The following FAS variants were observed in gnomAD, a reference collection of about 807,000 sequenced individuals.
FAS encodes Fas cell surface death receptor.
Under a neutral mutation model 33.2 loss-of-function variants are expected in FAS, and 5 were observed. The ratio of observed to expected loss-of-function variants is 0.15; its 90% CI spans 0.08 to 0.32. The LOEUF (loss-of-function observed/expected upper bound fraction) is 0.32, where lower values mean the gene tolerates loss of function less well. Among genes scored for constraint, FAS ranks in the 10% least tolerant of loss-of-function variants. The probability of loss-of-function intolerance (pLI) is 1.00; values close to 1 mark genes in which losing one functional copy is unlikely to be tolerated. For synonymous variants in FAS, 131 were observed against 130.7 expected (o/e 1.00, Z -0.01); for missense variants, 339 against 386.0 (o/e 0.88, Z 1.02).
Position 89,015,904 on chromosome 10 carries a change from T to G in FAS, c.*1454T>G, listed in dbSNP as rs906695824. 3.1e-6 allele frequency: 1 copy of G among 323,128 alleles called. No homozygotes were observed. Among genetic ancestry groups the G allele is most frequent in the African/African-American group, 2.1e-5 (1 of 47,548 alleles). 20.0% of individuals were successfully genotyped at this position (323,128 alleles called of 1,614,324 possible). On this transcript the variant is annotated 3_prime_UTR_variant, in exon 9 of 9. Coordinates refer to ENST00000652046, the MANE Select transcript of FAS (RefSeq NM_000043.6). ...CTTGGATCCCTTAGAAGGTACTTCC[T>G]TTTTAACCTTAACCCTTTTAGTAGT...
chr10:88,998,253 C>T (rs1847714180), intron 1 of FAS, among the ~76,000 whole-genome samples: 1 of 150,692 alleles, frequency 6.6e-6, no homozygotes, highest in South Asian at 2.1e-4. Flanking sequence ...TTATCTTCCT[C>T]TGTTTGTATG....
Position 89,010,835 on chromosome 10 carries a change from A to G in FAS, c.568+20A>G, listed in dbSNP as rs1484174676. 3.7e-6 allele frequency: 6 copies of G among 1,613,622 alleles called. No individual in the cohort carries two copies. The highest frequency in any genetic ancestry group is 5.1e-6 in the Non-Finnish European group (6 of 1,179,780). The stretch of plus-strand genomic sequence containing the variant: ...TTTGGGGTAAGTTCTTGCTTTGTTC[A>G]AACTGCAGATTGAAATAACTTGGGA... On this transcript the variant is annotated intron_variant, in intron 6 of 8. Coordinates refer to ENST00000652046, the MANE Select transcript of FAS (RefSeq NM_000043.6).
At chr10:89,000,630 C>T (rs567841630) in intron 1 of FAS, among the ~76,000 whole-genome samples, 1 of 152,076 alleles carries the variant, frequency 6.6e-6, no homozygotes, top group East Asian at 1.9e-4. Context: ...AATCCCTAAC[C>T]TTCTACTGTT....
intron 1 of FAS, among the ~76,000 whole-genome samples, chr10:88,997,062 G>T (rs956602285): frequency 7.2e-5 from 11 of 152,216 alleles, no homozygotes; most frequent in African/African-American, 2.7e-4. Context: ...TGATTTGCAA[G>T]TGCTGAACAC....
intron 1 of FAS, among the ~76,000 whole-genome samples, chr10:88,970,452 G>C (rs113631043): frequency 0.012 from 1,840 of 152,192 alleles, 44 homozygotes; most frequent in African/African-American, 0.042. Flanking sequence ...TGTTGAGGAG[G>C]GCGTTCAGTT....
chr10:89,014,066 A>G, intron 8 of FAS, 53 bp from the exon 9 acceptor site: 1 of 1,550,670 alleles, frequency 6.4e-7, no homozygotes, highest in African/African-American at 1.4e-5. Flanking sequence ...GGTTTTCACT[A>G]ATGGGAATTT....
At position 89,007,642 on chromosome 10, in the gene FAS, C is replaced by T. The variant is rs1848304526; in HGVS notation, c.197-58C>T. The T allele has an allele frequency of 3.7e-6, 6 of 1,600,494 alleles. No homozygotes were observed. In the East Asian group the frequency reaches 1.1e-4, roughly 30 times the overall value. On this transcript the variant is annotated intron_variant, in intron 2 of 8. Coordinates refer to ENST00000652046, the MANE Select transcript of FAS (RefSeq NM_000043.6). ...ATTGTCTGTCATCCCTCTATAGTTC[C>T]CACCCTGTTACCTGCCCGTGTCCTG...
rs1192239141 is a variant in FAS, at chr10:89,015,598, G to T, written c.*1148G>T. The T allele has an allele frequency of 2.0e-6, 1 of 505,286 alleles. No individual in the cohort carries two copies. The highest frequency in any genetic ancestry group is 2.5e-5 in the Admixed American group (1 of 40,512). The allele number at this position is 505,286 out of a possible 1,614,324, so 31.3% of individuals were successfully genotyped here. The stretch of plus-strand genomic sequence containing the variant: ...TACGTTTAAATATCTTTGAAAGTTT[G>T]TATTAAATGTGAATTTTAAGAAATA... On this transcript the variant is annotated 3_prime_UTR_variant, in exon 9 of 9. Transcript: ENST00000652046.
intron 2 of FAS, among the ~76,000 whole-genome samples, chr10:89,005,799 G>A (rs970696088): frequency 6.6e-6 from 1 of 151,936 alleles, no homozygotes; most frequent in African/African-American, 2.4e-5. Context: ...CACAACACCG[G>A]GATAATTTTT....
intron 1 of FAS, among the ~76,000 whole-genome samples, chr10:88,971,067 A>G (rs1589416097): frequency 1.3e-5 from 2 of 152,198 alleles, no homozygotes; most frequent in Admixed American, 1.3e-4. Flanking sequence ...AGATGGCACA[A>G]ATAATAGACA....
chr10:88,994,353 C>T (rs542703963), intron 1 of FAS, among the ~76,000 whole-genome samples: 1 of 152,092 alleles, frequency 6.6e-6, no homozygotes, highest in African/African-American at 2.4e-5. Context: ...TATCTTGGGC[C>T]CCAAAAGTCC....
At position 88,969,646 on chromosome 10, in the gene FAS, A is replaced by G. The variant is rs1589414679; in HGVS notation, n.95-3536A>G. On this transcript the variant is annotated intron_variant and non_coding_transcript_variant, in intron 1 of 3. Transcript: ENST00000688239. ...CTCTGGGATGACCAGTTTCTCAAGGAAAGAAACCTCCTCTGACCACCATAT... is the reference window on the plus strand; with the variant it reads ...CTCTGGGATGACCAGTTTCTCAAGGGAAGAAACCTCCTCTGACCACCATAT... 2.6e-5 allele frequency among the ~76,000 whole-genome samples: 4 copies of G among 152,242 alleles called. No individual in the cohort carries two copies. The East Asian group carries it at 7.7e-4, about 29-fold the overall frequency.
At position 89,003,010 on chromosome 10, in the gene FAS, T is replaced by C. The variant is rs1230694142; in HGVS notation, c.31-19T>C. 2 of 1,613,778 alleles carry C rather than the reference T, an allele frequency of 1.2e-6. No individual in the cohort carries two copies. The highest frequency in any genetic ancestry group is 1.7e-5 in the Admixed American group (1 of 59,996). On this transcript the variant is annotated intron_variant, in intron 1 of 8. Coordinates refer to ENST00000652046, the MANE Select transcript of FAS (RefSeq NM_000043.6). Reference sequence around the variant, plus strand: ...ACTTCAGAAATCAATAAAATTCTCTTCATGCTTTTATTTTACAGGTTCTTA... The same window carrying C: ...ACTTCAGAAATCAATAAAATTCTCTCCATGCTTTTATTTTACAGGTTCTTA...
At chr10:88,999,284 G>A (rs1847797919) in intron 1 of FAS, among the ~76,000 whole-genome samples, 1 of 152,086 alleles carries the variant, frequency 6.6e-6, no homozygotes, top group Non-Finnish European at 1.5e-5. Flanking sequence ...GGGGTGGGGA[G>A]CACTCTTTCC....
At chr10:88,992,224 A>C (rs527537883) in intron 1 of FAS, 30 of 152,274 alleles carry the variant, frequency 2.0e-4, no homozygotes, top group African/African-American at 7.2e-4. Flanking sequence ...AGAAAAAAAA[A>C]TCCTGTTCCT....
At chr10:88,982,419 T>C (rs1846732153), upstream of FAS, among the ~76,000 whole-genome samples, 1 of 152,130 alleles carries the variant, frequency 6.6e-6, no homozygotes, top group African/African-American at 2.4e-5. Flanking sequence ...AGCTTAAATG[T>C]GTTTTTTTCT....
At chr10:88,990,751 C>A, upstream of FAS, 1 of 1,213,934 alleles carries the variant, frequency 8.2e-7, no homozygotes, top group Non-Finnish European at 1.2e-6. This position sits in a 1 kb window ranked among gnomAD's most constrained non-coding sequence, Gnocchi z 4.9. Context: ...CGGGCACTGG[C>A]ACGGAACACA....
At chr10:89,006,948 C>A (rs1467243220) in intron 2 of FAS, among the ~76,000 whole-genome samples, 1 of 152,020 alleles carries the variant, frequency 6.6e-6, no homozygotes, top group African/African-American at 2.4e-5. Flanking sequence ...AGATAACAAG[C>A]CTGATAGATA....
At chr10:89,004,553 A>G (rs1316467040) in intron 2 of FAS, among the ~76,000 whole-genome samples, 3 of 143,712 alleles carry the variant, frequency 2.1e-5, no homozygotes, top group African/African-American at 5.2e-5. Context: ...TAAGATAGCA[A>G]TTAATTTATA....
Sources: gnomAD v4.1 joint callset for allele counts (sites outside exome capture counted in the v4.1 genomes callset) on GRCh38, gnomAD v4.1.1 for gene constraint, Gnocchi (gnomAD v3.1) non-coding constraint, MANE v1.5 for transcripts, NCBI Gene and HGNC (gene_info 2026-07-23, HGNC 2026-07-21) for gene names.